The following NECTIN3 variants were observed in gnomAD, a reference collection of about 807,000 sequenced individuals.
NECTIN3 encodes the protein nectin cell adhesion molecule 3, also known as nectin-3.
In NECTIN3, 8 loss-of-function variants were observed where a neutral mutation model predicts 49.4. The observed-to-expected ratio is 0.16, with a 90% confidence interval of 0.10 to 0.29. The LOEUF (loss-of-function observed/expected upper bound fraction) is 0.29, where lower values mean the gene tolerates loss of function less well. NECTIN3 is among the 10% of genes least tolerant of loss of function. The probability of loss-of-function intolerance (pLI) is 1.00; values close to 1 mark genes in which losing one functional copy is unlikely to be tolerated. For missense variants in NECTIN3, 581 were observed against 654.6 expected (o/e 0.89, Z 1.23); for synonymous variants, 277 against 241.1 (o/e 1.15, Z -1.38).
intron 4 of NECTIN3, among the ~76,000 whole-genome samples, chr3:111,125,919 G>A (rs1341123581): frequency 1.3e-5 from 2 of 151,682 alleles, no homozygotes; most frequent in East Asian, 3.9e-4. Context: ...TTTTTTCTCT[G>A]CTTTTCTCCC....
chr3:111,159,502 TA>T lies in NECTIN3; in HGVS notation c.1221+12019del, dbSNP rs201165518. The stretch of plus-strand genomic sequence containing the variant: ...TTTTTGTTTGTTTTTTATTTTATTT[TA>T]TTTTTTTAAGTGAGGAATGTGATAT... On this transcript the variant is annotated intron_variant, in intron 7 of 8. Coordinates refer to the NECTIN3 transcript ENST00000493615. Among the ~76,000 whole-genome samples the T allele has an allele frequency of 7.0e-4, 107 of 152,300 alleles. 1 individual carries two copies. Among genetic ancestry groups the T allele is most frequent in the African/African-American group, 2.4e-3 (100 of 41,558 alleles).
At chr3:111,111,168 C>T (rs949039038) in intron 1 of NECTIN3, among the ~76,000 whole-genome samples, 5 of 152,108 alleles carry the variant, frequency 3.3e-5, no homozygotes, top group Non-Finnish European at 5.9e-5. Flanking sequence ...TTCTGATATA[C>T]TTGTCAATGA....
Position 111,136,321 on chromosome 3 carries a change from T to A in NECTIN3, c.*2106T>A, listed in dbSNP as rs1576152516. The A allele has an allele frequency of 1.0e-6, 1 of 983,758 alleles. No homozygotes were observed. Among genetic ancestry groups the A allele is most frequent in the African/African-American group, 1.7e-5 (1 of 57,180 alleles). 60.9% of individuals were successfully genotyped at this position (983,758 alleles called of 1,614,324 possible). On this transcript the variant is annotated 3_prime_UTR_variant, in exon 6 of 6. Transcript: ENST00000485303. ...ATATAAATACTGATTATGAACTTCC[T>A]TTTACATTGTGGTTATTTGTGCGAT... is the stretch of plus-strand genomic sequence containing the variant.
chr3:111,092,112 C>A (rs1172552943), intron 1 of NECTIN3, among the ~76,000 whole-genome samples: 1 of 151,986 alleles, frequency 6.6e-6, no homozygotes, highest in East Asian at 1.9e-4. Flanking sequence ...CAGTTCAGAC[C>A]CTTTGCTCAT....
intron 7 of NECTIN3, among the ~76,000 whole-genome samples, chr3:111,158,463 C>T (rs1204071420): frequency 6.6e-6 from 1 of 152,010 alleles, no homozygotes; most frequent in Non-Finnish European, 1.5e-5. Context: ...TGTTTGAAAC[C>T]TTTCAAATGC....
At chr3:111,072,446 C>T (rs777447134) in intron 1 of NECTIN3, 2 of 1,534,858 alleles carry the variant, frequency 1.3e-6, no homozygotes, top group Admixed American at 3.9e-5. Flanking sequence ...GATGGTGCTT[C>T]GTGCGCCGAA....
intron 5 of NECTIN3, among the ~76,000 whole-genome samples, chr3:111,130,661 C>G (rs141113357): frequency 2.1e-3 from 320 of 152,078 alleles, no homozygotes; most frequent in Middle Eastern, 6.8e-3. Flanking sequence ...GGAAATTGTT[C>G]TTAATTTTGT....
chr3:111,144,776 C>T (rs753732235), intron 5 of NECTIN3: 190 of 1,081,884 alleles, frequency 1.8e-4, no homozygotes, highest in Non-Finnish European at 2.3e-4. Flanking sequence ...AATTTGGGGT[C>T]CTCTAACCTG....
intron 7 of NECTIN3, among the ~76,000 whole-genome samples, chr3:111,154,745 T>C (rs2035065029): frequency 6.6e-6 from 1 of 152,184 alleles, no homozygotes; most frequent in African/African-American, 2.4e-5. Context: ...TACTAATATG[T>C]AGAACATTTT....
In NECTIN3 at chr3:111,135,925, A is replaced by G. The variant is rs760107902; in HGVS notation, c.*1710A>G. 4 of 919,552 alleles carry G rather than the reference A, an allele frequency of 4.3e-6. No homozygotes were observed. The highest frequency in any genetic ancestry group is 5.2e-6 in the Non-Finnish European group (4 of 771,092). 57.0% of individuals were successfully genotyped at this position (919,552 alleles called of 1,614,324 possible). ...GTAGTATCAGGTTAAGGATACAGATAAATAAAGTTCACTTATATCTTCTTA... is the reference window on the plus strand; with the variant it reads ...GTAGTATCAGGTTAAGGATACAGATGAATAAAGTTCACTTATATCTTCTTA... On this transcript the variant is annotated 3_prime_UTR_variant, in exon 6 of 6. Transcript: ENST00000485303.
chr3:111,112,617 T>C (rs2033520240), intron 2 of NECTIN3, among the ~76,000 whole-genome samples: 2 of 152,148 alleles, frequency 1.3e-5, no homozygotes, highest in South Asian at 4.1e-4. Flanking sequence ...TTATGAAAGA[T>C]AGTGATGAGT....
intron 1 of NECTIN3, among the ~76,000 whole-genome samples, chr3:111,082,127 G>A (rs2107366239): frequency 1.3e-5 from 2 of 152,262 alleles, no homozygotes; most frequent in South Asian, 4.1e-4. Flanking sequence ...ATCATTGTGG[G>A]TAAGGAAGGA....
intron 7 of NECTIN3, chr3:111,147,550 A>G (rs1576162228): frequency 7.6e-7 from 1 of 1,315,708 alleles, no homozygotes; most frequent in Non-Finnish European, 1.0e-6. Context: ...AGCCATTTGT[A>G]TTATTTCTTT....
chr3:111,133,748 G>A lies in NECTIN3; in HGVS notation c.1183G>A (p.Ala395Thr), dbSNP rs781515870. The A allele has an allele frequency of 6.2e-7, 1 of 1,613,912 alleles. No individual in the cohort carries two copies. Among genetic ancestry groups the A allele is most frequent in the South Asian group, 1.1e-5 (1 of 91,084 alleles). ...KKLPFPLSTL[A>T]TIKDDTIATI... Reference sequence around the variant, plus strand: ...ATTGCCCTTCCCATTGTCAACTTTGGCAACAATTAAGGATGACACAATTGC... The same window carrying A: ...ATTGCCCTTCCCATTGTCAACTTTGACAACAATTAAGGATGACACAATTGC... Residue 395 changes from alanine (A) to threonine (T), a missense_variant, in exon 6 of 6, where the codon GCA (alanine) becomes ACA (threonine). Ala to Thr is a moderately conservative substitution (Grantham distance 58, BLOSUM62 0). This residue lies in a region of NECTIN3 where 238 missense variants were observed against 244.9 expected (regional missense o/e 0.97). Coordinates refer to ENST00000485303, the MANE Select transcript of NECTIN3 (RefSeq NM_015480.3).
rs2033823624 is a variant in NECTIN3, at chr3:111,118,887, C to T, written c.734C>T (p.Thr245Ile). Residue 245 changes from threonine (T) to isoleucine (I), a missense_variant, in exon 3 of 6, where the codon ACT (threonine) becomes ATT (isoleucine). Physicochemically the swap from Thr to Ile is moderately conservative, Grantham distance 89. This residue lies in a region of NECTIN3 where 234 missense variants were observed against 340.6 expected (regional missense o/e 0.69). Coordinates refer to ENST00000485303, the MANE Select transcript of NECTIN3 (RefSeq NM_015480.3). The stretch of plus-strand genomic sequence containing the variant: ...AGATTTGCTAGAGGAAGGCGAATTA[C>T]TTGTGTTGTAAAACATCCAGCCTTG... ...PTRFARGRRI[T>I]CVVKHPALEK... 1 of 1,613,978 alleles carries T rather than the reference C, an allele frequency of 6.2e-7. No homozygotes were observed. Among genetic ancestry groups the T allele is most frequent in the Non-Finnish European group, 8.5e-7 (1 of 1,180,000 alleles).
chr3:111,147,123 T>C (rs947557600), intron 6 of NECTIN3, among the ~76,000 whole-genome samples: 3 of 152,170 alleles, frequency 2.0e-5, no homozygotes, highest in African/African-American at 7.2e-5. Flanking sequence ...AGTAAAGTCA[T>C]ATACTGGATT....
intron 1 of NECTIN3, among the ~76,000 whole-genome samples, chr3:111,082,865 G>T (rs777274599): frequency 7.2e-5 from 11 of 152,230 alleles, no homozygotes; most frequent in South Asian, 2.1e-4. Context: ...GTCTGGGGGT[G>T]ATGGGAGATA....
intron 7 of NECTIN3, among the ~76,000 whole-genome samples, chr3:111,175,725 C>T (rs1365911201): frequency 1.3e-5 from 2 of 152,134 alleles, no homozygotes; most frequent in Non-Finnish European, 2.9e-5. Flanking sequence ...AACTAACTTC[C>T]TGGGACCGAG....
Position 111,137,508 on chromosome 3 carries a change from A to C in NECTIN3, c.*3293A>C, listed in dbSNP as rs971839603. The C allele has an allele frequency of 1.1e-6, 1 of 886,210 alleles. No homozygotes were observed. The highest frequency in any genetic ancestry group is 1.3e-6 in the Non-Finnish European group (1 of 775,246). The allele number at this position is 886,210 out of a possible 1,614,324, so 54.9% of individuals were successfully genotyped here. On this transcript the variant is annotated 3_prime_UTR_variant, in exon 6 of 6. Transcript: ENST00000485303. ...AACCTGTGTATTAGGTGTTAGCCCC[A>C]ATAGCCATGCATGAAATCTTTAAAT...
Sources: gnomAD v4.1 joint callset for allele counts (sites outside exome capture counted in the v4.1 genomes callset) on GRCh38, gnomAD v4.1.1 for gene constraint, gnomAD v4.1.1 regional missense constraint, MANE v1.5 for transcripts, NCBI Gene and HGNC (gene_info 2026-07-23, HGNC 2026-07-21) for gene names.